Variants in CCDC7 observed in about 807,000 individuals in gnomAD.
The protein encoded by CCDC7 is coiled-coil domain-containing protein 7.
A neutral mutation model predicts 196.9 loss-of-function variants in CCDC7; 183 were observed. The ratio of observed to expected loss-of-function variants is 0.93; its 90% CI spans 0.82 to 1.05. CCDC7 has a LOEUF of 1.05. Ranked by LOEUF, CCDC7 falls within the 50% of genes least tolerant of loss-of-function variation. The pLI, the probability that CCDC7 is intolerant of heterozygous loss-of-function variation, is 0.00. For synonymous variants in CCDC7, 525 were observed against 484.6 expected (o/e 1.08, Z -1.10); for missense variants, 1,540 against 1,482.2 (o/e 1.04, Z -0.64).
intron 8 of CCDC7, among the ~76,000 whole-genome samples, chr10:32,479,695 G>A (rs2039613469): frequency 6.6e-6 from 1 of 152,094 alleles, no homozygotes; most frequent in African/African-American, 2.4e-5. Context: ...TCTGGCTTTG[G>A]TATTAGGGTA....
intron 3 of CCDC7, among the ~76,000 whole-genome samples, chr10:32,461,970 C>G (rs570948636): frequency 7.9e-5 from 12 of 151,604 alleles, no homozygotes; most frequent in African/African-American, 2.9e-4. Context: ...CGGGGTTTCT[C>G]CATGTTGGTC....
chr10:32,709,627 G>T (rs892036290), intron 24 of CCDC7, among the ~76,000 whole-genome samples: 1 of 152,114 alleles, frequency 6.6e-6, no homozygotes, highest in Non-Finnish European at 1.5e-5. Flanking sequence ...ATGGGGAGCA[G>T]TTGAAAATAC....
At chr10:32,767,787 GT>G (rs1477826175) in intron 28 of CCDC7, among the ~76,000 whole-genome samples, 1 of 152,120 alleles carries the variant, frequency 6.6e-6, no homozygotes, top group Non-Finnish European at 1.5e-5. Context: ...TCAGTAACCA[GT>G]TCTGGCAAAA....
At chr10:32,725,439 C>A (rs918133270) in intron 25 of CCDC7, 2 of 468,912 alleles carry the variant, frequency 4.3e-6, no homozygotes, top group Non-Finnish European at 8.8e-6. Context: ...TTTTTTTGTT[C>A]CATATATTAG....
intron 33 of CCDC7, among the ~76,000 whole-genome samples, chr10:32,840,548 G>A (rs2092909415): frequency 6.6e-6 from 1 of 151,806 alleles, no homozygotes; most frequent in South Asian, 2.1e-4. Context: ...GGACCAAATG[G>A]GATTCACGGC....
intron 21 of CCDC7, among the ~76,000 whole-genome samples, chr10:32,669,530 A>C (rs1012380687): frequency 6.6e-6 from 1 of 152,068 alleles, no homozygotes; most frequent in African/African-American, 2.4e-5. Flanking sequence ...TCTTTAATAG[A>C]ATAGTTTATA....
chr10:32,497,207 AGTTT>A (rs2043050933), intron 9 of CCDC7, among the ~76,000 whole-genome samples: 2 of 152,096 alleles, frequency 1.3e-5, no homozygotes, highest in Admixed American at 6.6e-5. Context: ...CTCTGATGGT[AGTTT>A]GTATTTCTGT....
At chr10:32,577,206 A>G (rs2058297209) in intron 16 of CCDC7, among the ~76,000 whole-genome samples, 1 of 152,088 alleles carries the variant, frequency 6.6e-6, no homozygotes, top group Non-Finnish European at 1.5e-5. Context: ...TACTAAAAAT[A>G]CAAAAATTAG....
chr10:32,497,992 G>T (rs1182195172), intron 9 of CCDC7, among the ~76,000 whole-genome samples: 9 of 152,084 alleles, frequency 5.9e-5, no homozygotes, highest in Admixed American at 5.2e-4. Context: ...TGACAGTGGG[G>T]TGTTAAAGTC....
chr10:32,656,696 G>A (rs949754234), intron 20 of CCDC7, among the ~76,000 whole-genome samples: 3 of 152,082 alleles, frequency 2.0e-5, no homozygotes, highest in South Asian at 2.1e-4. Flanking sequence ...TGGGTGCGGC[G>A]AGCCAAACCA....
intron 31 of CCDC7, among the ~76,000 whole-genome samples, chr10:32,823,148 CTT>C (rs61638737): frequency 7.0e-6 from 1 of 143,470 alleles, no homozygotes. Context: ...CAATATGATG[CTT>C]TTTTTTTTTT....
intron 20 of CCDC7, among the ~76,000 whole-genome samples, chr10:32,647,077 T>C (rs2067895273): frequency 6.6e-6 from 1 of 152,262 alleles, no homozygotes; most frequent in South Asian, 2.1e-4. Flanking sequence ...GAATGACTTA[T>C]ATTCTTTTCA....
At chr10:32,758,072 G>C (rs567805190) in intron 28 of CCDC7, among the ~76,000 whole-genome samples, 6 of 152,184 alleles carry the variant, frequency 3.9e-5, no homozygotes, top group South Asian at 2.1e-4. Context: ...TCCCTGAATA[G>C]ACCAGTAACA....
intron 29 of CCDC7, among the ~76,000 whole-genome samples, chr10:32,801,273 C>T (rs1017361562): frequency 6.6e-5 from 10 of 152,222 alleles, no homozygotes; most frequent in African/African-American, 1.9e-4. Context: ...TCCACTCTAG[C>T]ATCCTGATCT....
At chr10:32,705,480 A>C (rs1421661272) in intron 24 of CCDC7, among the ~76,000 whole-genome samples, 1 of 152,108 alleles carries the variant, frequency 6.6e-6, no homozygotes, top group Non-Finnish European at 1.5e-5. Context: ...ATTAAACTTA[A>C]ATGTAAATGG....
intron 29 of CCDC7, among the ~76,000 whole-genome samples, chr10:32,787,520 T>G (rs141000820): frequency 1.3e-5 from 2 of 152,316 alleles, no homozygotes; most frequent in East Asian, 1.9e-4. Flanking sequence ...CCTCCTTAAC[T>G]TCGGGCAGCA....
At chr10:32,670,395 T>C (rs146273054) in intron 21 of CCDC7, among the ~76,000 whole-genome samples, 5,014 of 151,958 alleles carry the variant, frequency 0.033, 96 homozygotes, top group Non-Finnish European at 0.05. Context: ...TTTTTTTAAA[T>C]TTATTATTAT....
intron 9 of CCDC7, among the ~76,000 whole-genome samples, chr10:32,507,874 T>C (rs1589325277): frequency 6.6e-6 from 1 of 152,340 alleles, no homozygotes; most frequent in East Asian, 1.9e-4. Context: ...ACAAGGAATT[T>C]TCCCCACATA....
At chr10:32,705,260 G>A (rs2079514586) in intron 24 of CCDC7, among the ~76,000 whole-genome samples, 1 of 152,060 alleles carries the variant, frequency 6.6e-6, no homozygotes, top group Admixed American at 6.5e-5. Flanking sequence ...TTACAGACAA[G>A]CAAGTAGTGA....
Sources: gnomAD v4.1 joint callset for allele counts (sites outside exome capture counted in the v4.1 genomes callset) on GRCh38, gnomAD v4.1.1 for gene constraint, MANE v1.5 for transcripts, NCBI Gene and HGNC (gene_info 2026-07-23, HGNC 2026-07-21) for gene names.